Variants in UNC5D observed in about 807,000 individuals in gnomAD.
UNC5D encodes the protein unc-5 netrin receptor D.
A neutral mutation model predicts 105.4 loss-of-function variants in UNC5D; 39 were observed. That is an observed-to-expected ratio of 0.37 (90% confidence interval 0.29 to 0.48). The LOEUF (loss-of-function observed/expected upper bound fraction) is 0.48, where lower values mean the gene tolerates loss of function less well. Among genes scored for constraint, UNC5D ranks in the 20% least tolerant of loss-of-function variants. UNC5D has a pLI of 0.98. For synonymous variants in UNC5D, 452 were observed against 450.4 expected (o/e 1.00, Z -0.04); for missense variants, 991 against 1,202.4 (o/e 0.82, Z 2.60).
chr8:35,597,708 T>C (rs1819575659), intron 4 of UNC5D, among the ~76,000 whole-genome samples: 1 of 152,136 alleles, frequency 6.6e-6, no homozygotes, highest in Admixed American at 6.6e-5. Context: ...GATCTACTTT[T>C]TTTTCAGATG....
At chr8:35,491,035 A>C (rs1811182453) in intron 1 of UNC5D, among the ~76,000 whole-genome samples, 1 of 151,980 alleles carries the variant, frequency 6.6e-6, no homozygotes, top group Non-Finnish European at 1.5e-5. Context: ...CTGCAATGTA[A>C]GCATGAATAG....
chr8:35,244,108 T>C (rs2128803709), intron 1 of UNC5D, among the ~76,000 whole-genome samples: 1 of 152,330 alleles, frequency 6.6e-6, no homozygotes, highest in South Asian at 2.1e-4. Context: ...TTAACATTTT[T>C]AGGGGACTCA....
chr8:35,403,389 C>T (rs1476359517), intron 1 of UNC5D, among the ~76,000 whole-genome samples: 1 of 152,154 alleles, frequency 6.6e-6, no homozygotes, highest in African/African-American at 2.4e-5. Context: ...TCCTCACCAT[C>T]CCCAAATCCA....
In UNC5D at chr8:35,529,152, G is replaced by A. The variant is rs1398687830; in HGVS notation, c.104-20140G>A. ...CCTACGTCCTGAATGGTAATGCCTA[G>A]GTTTTCTTCTAGGGTTTTTATGGTT... On this transcript the variant is annotated intron_variant, in intron 1 of 16. Transcript: ENST00000404895. 2.1e-5 allele frequency among the ~76,000 whole-genome samples: 3 copies of A among 140,692 alleles called. No homozygotes were observed. In the East Asian group the frequency reaches 6.0e-4, roughly 28 times the overall value. The allele number at this position is 140,692 out of a possible 152,430, so 92.3% of individuals were successfully genotyped here.
rs551573027 is a variant in UNC5D, at chr8:35,439,775, T to C, written c.104-109517T>C. Among the ~76,000 whole-genome samples, 34 of 152,082 alleles carry C rather than the reference T, an allele frequency of 2.2e-4. No individual in the cohort carries two copies. In the South Asian group the frequency reaches 7.1e-3, roughly 32 times the overall value. ...AAATATGGAAAGTCGTTTTCCTAAATATGGAAAGTCATCTTCTAAATATGG... is the reference window on the plus strand; with the variant it reads ...AAATATGGAAAGTCGTTTTCCTAAACATGGAAAGTCATCTTCTAAATATGG... On this transcript the variant is annotated intron_variant, in intron 1 of 16. Transcript: ENST00000404895.
intron 1 of UNC5D, among the ~76,000 whole-genome samples, chr8:35,264,688 C>A (rs1804721844): frequency 6.6e-6 from 1 of 150,838 alleles, no homozygotes; most frequent in Admixed American, 6.6e-5. Flanking sequence ...CGAGATCATG[C>A]CACTGCACTC....
intron 7 of UNC5D, among the ~76,000 whole-genome samples, chr8:35,693,060 A>T (rs1826517443): frequency 6.6e-6 from 1 of 152,198 alleles, no homozygotes; most frequent in Non-Finnish European, 1.5e-5. Flanking sequence ...CTTTCCCATT[A>T]TGGGACCAAA....
chr8:35,578,792 G>A (rs1818279769), intron 3 of UNC5D, among the ~76,000 whole-genome samples: 1 of 152,142 alleles, frequency 6.6e-6, no homozygotes, highest in African/African-American at 2.4e-5. Flanking sequence ...ATTAACACAT[G>A]CACAGTGAAG....
chr8:35,745,944 C>T (rs1164536507), intron 11 of UNC5D, among the ~76,000 whole-genome samples: 1 of 151,944 alleles, frequency 6.6e-6, no homozygotes, highest in African/African-American at 2.4e-5. Flanking sequence ...TGTGGGAAAG[C>T]TTAAATGCCA....
intron 3 of UNC5D, among the ~76,000 whole-genome samples, chr8:35,577,026 CTA>C (rs781510973): frequency 2.0e-5 from 3 of 152,096 alleles, no homozygotes; most frequent in Admixed American, 6.6e-5. Flanking sequence ...TAACATTTTA[CTA>C]TGTTAGCGTG....
chr8:35,616,905 G>A (rs369307135), intron 4 of UNC5D, among the ~76,000 whole-genome samples: 7 of 152,076 alleles, frequency 4.6e-5, no homozygotes, highest in African/African-American at 7.3e-5. Flanking sequence ...TAACATTAGC[G>A]GCAATAAACA....
chr8:35,792,944 A>G lies in UNC5D; in HGVS notation c.*2381A>G, dbSNP rs773532893. On this transcript the variant is annotated 3_prime_UTR_variant, in exon 17 of 17. Transcript: ENST00000404895. ...GAGACAAGATTATTGTCAATCCCTG[A>G]ATGTCTGGAGTTACCTCCCATGGAT... The G allele has an allele frequency of 2.3e-6, 1 of 442,506 alleles. No homozygotes were observed. 27.4% of individuals were successfully genotyped at this position (442,506 alleles called of 1,614,324 possible).
At chr8:35,417,417 G>A (rs554793077) in intron 1 of UNC5D, among the ~76,000 whole-genome samples, 41 of 152,256 alleles carry the variant, frequency 2.7e-4, no homozygotes, top group African/African-American at 9.6e-4. Context: ...TGGGCAGTGT[G>A]AGTTTGGGTA....
At chr8:35,626,142 C>T (rs1005879691) in intron 4 of UNC5D, among the ~76,000 whole-genome samples, 1 of 151,228 alleles carries the variant, frequency 6.6e-6, no homozygotes, top group East Asian at 1.9e-4. Flanking sequence ...CCTCATGTTC[C>T]ATTGTGTCTG....
At chr8:35,486,916 A>G (rs1318711284) in intron 1 of UNC5D, among the ~76,000 whole-genome samples, 1 of 152,168 alleles carries the variant, frequency 6.6e-6, no homozygotes, top group Non-Finnish European at 1.5e-5. Flanking sequence ...AGGGTCATAC[A>G]ACTAACTGCA....
intron 1 of UNC5D, among the ~76,000 whole-genome samples, chr8:35,278,932 C>A (rs1463921769): frequency 6.6e-6 from 1 of 152,158 alleles, no homozygotes; most frequent in Non-Finnish European, 1.5e-5. Flanking sequence ...AAATAATCCA[C>A]CACTAAATGT....
intron 1 of UNC5D, among the ~76,000 whole-genome samples, chr8:35,299,792 G>A (rs1009519018): frequency 2.6e-5 from 4 of 152,122 alleles, no homozygotes; most frequent in African/African-American, 9.7e-5. Flanking sequence ...TAAGAGAATG[G>A]TTGAATAAAT....
intron 15 of UNC5D, among the ~76,000 whole-genome samples, chr8:35,767,720 G>T (rs1057421385): frequency 6.6e-6 from 1 of 152,310 alleles, no homozygotes; most frequent in African/African-American, 2.4e-5. Flanking sequence ...GGTCAAATCA[G>T]TATTGGAAGG....
At chr8:35,338,814 C>T (rs1811245355) in intron 1 of UNC5D, among the ~76,000 whole-genome samples, 1 of 152,140 alleles carries the variant, frequency 6.6e-6, no homozygotes, top group Admixed American at 6.5e-5. Flanking sequence ...TTGTTAAATG[C>T]ACCCTGACCG....
Sources: allele counts gnomAD v4.1 joint callset (sites outside exome capture counted in the v4.1 genomes callset), GRCh38; gene constraint gnomAD v4.1.1; transcripts MANE v1.5; gene names NCBI Gene and HGNC (gene_info 2026-07-23, HGNC 2026-07-21).